The following ICE2 variants were observed in gnomAD, a reference collection of about 807,000 sequenced individuals.
ICE2 encodes interactor of little elongation complex ELL subunit 2.
In ICE2, 87 loss-of-function variants were observed where a neutral mutation model predicts 105.4. That is an observed-to-expected ratio of 0.83 (90% CI 0.69 to 0.99). The LOEUF (loss-of-function observed/expected upper bound fraction) is 0.99, where lower values mean the gene tolerates loss of function less well. ICE2 is among the 50% of genes least tolerant of loss of function. The pLI is 0.00. For synonymous variants in ICE2, 399 were observed against 392.0 expected, an observed-to-expected ratio of 1.02 and a Z score of -0.21; for missense variants, 1,323 against 1,146.7, an observed-to-expected ratio of 1.15 and a Z score of -2.22.
intron 15 of ICE2, 100 bp downstream of exon 15, chr15:60,428,329 A>C: frequency 8.0e-7 from 1 of 1,256,804 alleles, no homozygotes; most frequent in Non-Finnish European, 1.1e-6. Flanking sequence ...TGCTGTGATT[A>C]ATATGACAAT....
chr15:60,430,457 T>TGG (rs56042734), intron 14 of ICE2, among the ~76,000 whole-genome samples: 81 of 152,164 alleles, frequency 5.3e-4, no homozygotes, highest in Admixed American at 5.3e-3. Flanking sequence ...TCTTAATTTG[T>TGG]TACAGCCACA....
intron 12 of ICE2, chr15:60,438,184 G>A (rs755581789): frequency 6.6e-6 from 1 of 152,136 alleles, no homozygotes; most frequent in Non-Finnish European, 1.5e-5. Flanking sequence ...CGTATGTATT[G>A]TACCATAGTT....
Position 60,466,640 on chromosome 15 carries a change from G to A in ICE2, c.482C>T (p.Ala161Val), listed in dbSNP as rs148143223. ...KFLQNSAKKCAQDYNMLSDDA... is the reference protein window; with the variant it reads ...KFLQNSAKKCVQDYNMLSDDA... ...ATCAGAAAGCATATTATAATCCTGC[G>A]CACATTTCTTTGCAGAATTCTGCAA... Residue 161 changes from alanine (A) to valine (V), a missense_variant, in exon 5 of 16, where the codon GCG becomes GTG. Physicochemically the swap from Ala to Val is moderately conservative, Grantham distance 64. Coordinates refer to ENST00000261520, the MANE Select transcript of ICE2 (RefSeq NM_024611.6). 1.4e-5 allele frequency: 22 copies of A among 1,611,348 alleles called. No homozygotes were observed. Among genetic ancestry groups the A allele is most frequent in the Admixed American group, 1.7e-5 (1 of 59,836 alleles).
In ICE2 at chr15:60,468,241, T is replaced by G. The variant is rs563215341; in HGVS notation, c.228A>C (p.Glu76Asp). The stretch of plus-strand genomic sequence containing the variant: ...CCATTCCAATTGTGGTTTTAACTTT[T>G]TCCTTTGCTTGAGTTGCTGAACTAA... ...PAVSSATQAKEKVKTTIGMVL... is the reference protein window; with the variant it reads ...PAVSSATQAKDKVKTTIGMVL... The change falls in exon 4 of 16, where the codon GAA becomes GAC. Residue 76 changes from glutamate (E) to aspartate (D), a missense_variant. Physicochemically the swap from Glu to Asp is conservative, Grantham distance 45. Coordinates refer to ENST00000261520, the MANE Select transcript of ICE2 (RefSeq NM_024611.6). 6.2e-7 allele frequency: 1 copy of G among 1,613,938 alleles called. No individual in the cohort carries two copies. The highest frequency in any genetic ancestry group is 2.2e-5 in the East Asian group (1 of 44,846).
At chr15:60,446,660 G>A (rs1486840061) in intron 11 of ICE2, among the ~76,000 whole-genome samples, 6 of 152,136 alleles carry the variant, frequency 3.9e-5, no homozygotes, top group Non-Finnish European at 8.8e-5. Context: ...CTCCCAAAGT[G>A]CTGGGATTAC....
At chr15:60,460,129 T>C (rs911887581) in intron 5 of ICE2, among the ~76,000 whole-genome samples, 3 of 152,094 alleles carry the variant, frequency 2.0e-5, no homozygotes, top group African/African-American at 7.2e-5. Context: ...ACTACAAAAC[T>C]ACAGTTATCA....
At chr15:60,425,526 C>A (rs924892671) in intron 15 of ICE2, among the ~76,000 whole-genome samples, 14 of 151,940 alleles carry the variant, frequency 9.2e-5, no homozygotes, top group Non-Finnish European at 1.6e-4. Context: ...CAAAAGTAGC[C>A]CAGGAAGCAA....
At chr15:60,464,261 C>T (rs577009168) in intron 5 of ICE2, among the ~76,000 whole-genome samples, 4 of 152,150 alleles carry the variant, frequency 2.6e-5, no homozygotes, top group African/African-American at 4.8e-5. Flanking sequence ...GTTTTATATT[C>T]ACCTAAGAAA....
intron 9 of ICE2, chr15:60,451,316 G>C: frequency 1.2e-6 from 1 of 858,684 alleles, no homozygotes; most frequent in South Asian, 5.4e-5. Context: ...GAATCCAAAG[G>C]GCATTTCAAA....
At chr15:60,448,272 G>T in intron 10 of ICE2, 127 bp from the exon 11 acceptor site, 1 of 617,934 alleles carries the variant, frequency 1.6e-6, no homozygotes, top group South Asian at 2.3e-5. Context: ...TCTGCCTAAG[G>T]GACCCTCACA....
chr15:60,430,958 GCCTCCCGGGT>G (rs2063444576), intron 14 of ICE2, among the ~76,000 whole-genome samples: 1 of 151,932 alleles, frequency 6.6e-6, no homozygotes, highest in African/African-American at 2.4e-5. Context: ...TGCAATCTCT[GCCTCCCGGGT>G]TCAAGCGATT....
intron 3 of ICE2, among the ~76,000 whole-genome samples, chr15:60,470,931 C>T (rs1339145315): frequency 6.6e-6 from 1 of 152,104 alleles, no homozygotes; most frequent in African/African-American, 2.4e-5. Context: ...GGGTATCAGT[C>T]TGATACGGCT....
chr15:60,426,686 G>A (rs1380002653), intron 15 of ICE2, among the ~76,000 whole-genome samples: 1 of 152,050 alleles, frequency 6.6e-6, no homozygotes, highest in East Asian at 1.9e-4. Flanking sequence ...GAAACACCTT[G>A]CACACACATA....
chr15:60,452,515 A>C (rs915811253), intron 9 of ICE2: 4 of 158,384 alleles, frequency 2.5e-5, no homozygotes, highest in African/African-American at 9.6e-5. Flanking sequence ...GCCCTCTGCC[A>C]CTTATTTAAG....
chr15:60,471,781 T>C (rs895396518), intron 3 of ICE2, among the ~76,000 whole-genome samples: 3 of 150,776 alleles, frequency 2.0e-5, no homozygotes, highest in East Asian at 3.9e-4. Context: ...AAAGTTTCTA[T>C]GGAAAAACAA....
At chr15:60,460,122 AC>A (rs1332289103) in intron 5 of ICE2, among the ~76,000 whole-genome samples, 8 of 152,218 alleles carry the variant, frequency 5.3e-5, no homozygotes, top group African/African-American at 1.9e-4. Flanking sequence ...TCTCAGGACT[AC>A]AAAACTACAG....
chr15:60,452,739 T>C (rs1045878733), intron 9 of ICE2: 29 of 389,090 alleles, frequency 7.5e-5, no homozygotes, highest in African/African-American at 6.3e-4. Flanking sequence ...TATGTACAAA[T>C]TCATTTAAAC....
rs1400005317 is a variant in ICE2 at position 60,468,329 on chromosome 15, A to G, written c.147-7T>C. 6.3e-7 allele frequency: 1 copy of G among 1,587,146 alleles called. No homozygotes were observed. On this transcript the variant is annotated splice_polypyrimidine_tract_variant and splice_region_variant and intron_variant, in intron 3 of 15. Coordinates refer to ENST00000261520, the MANE Select transcript of ICE2 (RefSeq NM_024611.6). ...CAAATTTTCTCCTATACGTCTGGAAAACAAAATATAATTTACAAATATGTG... is the reference window on the plus strand; with the variant it reads ...CAAATTTTCTCCTATACGTCTGGAAGACAAAATATAATTTACAAATATGTG...
chr15:60,449,669 G>A lies in ICE2; in HGVS notation c.1298C>T (p.Thr433Ile), dbSNP rs1361383143. ...STVPNMTDAP[T>I]APKAGTTTVA... ...AGTTGTAGTTCCTGCTTTGGGGGCTGTAGGAGCATCTGTCATGTTAGGTAC... is the reference window on the plus strand; with the variant it reads ...AGTTGTAGTTCCTGCTTTGGGGGCTATAGGAGCATCTGTCATGTTAGGTAC... Residue 433 changes from threonine to isoleucine, a missense_variant, in exon 10 of 16, where the codon ACA becomes ATA. Transcript: ENST00000261520. 6.2e-7 allele frequency: 1 copy of A among 1,613,954 alleles called. No individual in the cohort carries two copies. Among genetic ancestry groups the A allele is most frequent in the Non-Finnish European group, 8.5e-7 (1 of 1,180,026 alleles).
Sources: allele counts gnomAD v4.1 joint callset (sites outside exome capture counted in the v4.1 genomes callset), GRCh38; gene constraint gnomAD v4.1.1; transcripts MANE v1.5; gene names NCBI Gene and HGNC (gene_info 2026-07-23, HGNC 2026-07-21).